SGCD: variants seen among roughly 807,000 people sequenced by gnomAD.
The protein encoded by SGCD is sarcoglycan delta.
A neutral mutation model predicts 36.6 loss-of-function variants in SGCD; 18 were observed. That is an observed-to-expected ratio of 0.49 (90% CI 0.34 to 0.73). The LOEUF (loss-of-function observed/expected upper bound fraction) is 0.73, where lower values mean the gene tolerates loss of function less well. SGCD is among the 30% of genes least tolerant of loss of function. SGCD has a pLI of 0.01. For synonymous variants in SGCD, 133 were observed against 130.6 expected (o/e 1.02, Z -0.12); for missense variants, 387 against 346.7 (o/e 1.12, Z -0.92).
intron 4 of SGCD, among the ~76,000 whole-genome samples, chr5:156,561,578 G>A (rs1239178016): frequency 1.3e-5 from 2 of 152,140 alleles, no homozygotes; most frequent in African/African-American, 4.8e-5. Context: ...GTTCCTGTTA[G>A]GGTGGCGGCC....
Position 156,108,926 on chromosome 5 carries a change from C to T in SGCD, c.-281-8952C>T, listed in dbSNP as rs77690622. Among the ~76,000 whole-genome samples, 10 of 152,212 alleles carry T rather than the reference C, an allele frequency of 6.6e-5. No homozygotes were observed. In the East Asian group the frequency reaches 9.6e-4, roughly 15 times the overall value. ...GTAAGGGAGAGTTTAAAAAATGGAA[C>T]CTTTGTATTATTTATTTGTCTCCAA... On this transcript the variant is annotated intron_variant, in intron 1 of 9. Transcript: ENST00000517913.
chr5:156,027,322 T>C (rs1453364967), intron 1 of SGCD, among the ~76,000 whole-genome samples: 1 of 152,156 alleles, frequency 6.6e-6, no homozygotes, highest in African/African-American at 2.4e-5. Context: ...ACATCCCAGA[T>C]TCAACAACTT....
At chr5:155,952,589 C>T (rs1165014403) in intron 1 of SGCD, among the ~76,000 whole-genome samples, 3 of 152,102 alleles carry the variant, frequency 2.0e-5, no homozygotes, top group African/African-American at 7.2e-5. Context: ...ATGGGGAGGG[C>T]TGCTTGCATT....
chr5:155,804,812 G>C, the SGCD span, among the ~76,000 whole-genome samples: 227 of 152,292 alleles, frequency 1.5e-3, no homozygotes, highest in African/African-American at 5.3e-3. Context: ...AGCACACCTA[G>C]GATCAAGATA....
chr5:156,474,598 G>C (rs1214537152), intron 3 of SGCD, among the ~76,000 whole-genome samples: 2 of 152,232 alleles, frequency 1.3e-5, no homozygotes, highest in African/African-American at 4.8e-5. Flanking sequence ...CACAGAAAGA[G>C]GCAGCCAGCT....
At chr5:156,554,565 A>G (rs1758936090) in intron 4 of SGCD, among the ~76,000 whole-genome samples, 1 of 150,300 alleles carries the variant, frequency 6.7e-6, no homozygotes, top group Non-Finnish European at 1.5e-5. Context: ...ATCTATGTTT[A>G]ACCAAAAAAA....
intron 3 of SGCD, among the ~76,000 whole-genome samples, chr5:156,211,382 C>T (rs571692205): frequency 6.6e-5 from 10 of 152,034 alleles, no homozygotes; most frequent in South Asian, 2.1e-4. Flanking sequence ...CCGAGGGGGG[C>T]GGATCACGTG....
At chr5:156,683,774 T>C (rs1157818047) in intron 7 of SGCD, among the ~76,000 whole-genome samples, 2 of 152,208 alleles carry the variant, frequency 1.3e-5, no homozygotes, top group South Asian at 4.1e-4. Context: ...TGCTCAGTTG[T>C]TCCATCTGAA....
chr5:156,703,385 T>TA (rs1372624774), intron 7 of SGCD, among the ~76,000 whole-genome samples: 2 of 151,726 alleles, frequency 1.3e-5, no homozygotes, highest in East Asian at 1.9e-4. Flanking sequence ...TTTATTTCTT[T>TA]TTTTTTTTTT....
At chr5:156,019,548 G>A (rs1759054872) in intron 1 of SGCD, among the ~76,000 whole-genome samples, 1 of 152,146 alleles carries the variant, frequency 6.6e-6, no homozygotes, top group Non-Finnish European at 1.5e-5. Flanking sequence ...TAATTTTGGG[G>A]TGTGTGGAAC....
chr5:156,381,229 G>A (rs1477389773), intron 3 of SGCD, among the ~76,000 whole-genome samples: 1 of 152,178 alleles, frequency 6.6e-6, no homozygotes, highest in African/African-American at 2.4e-5. Flanking sequence ...AGAAAATGGG[G>A]CTGCTGCAAA....
chr5:156,638,055 C>T (rs1431707899), intron 6 of SGCD, among the ~76,000 whole-genome samples: 1 of 152,026 alleles, frequency 6.6e-6, no homozygotes. Flanking sequence ...GGCATCACCA[C>T]CCACTTGCCT....
At chr5:156,298,378 C>T (rs562842301) in intron 3 of SGCD, among the ~76,000 whole-genome samples, 1 of 152,232 alleles carries the variant, frequency 6.6e-6, no homozygotes, top group East Asian at 1.9e-4. Context: ...TACATTCCCA[C>T]CAACAGTGTA....
intron 1 of SGCD, among the ~76,000 whole-genome samples, chr5:155,937,774 A>C (rs1757238243): frequency 6.6e-6 from 1 of 152,338 alleles, no homozygotes. Context: ...TGTGACGTGG[A>C]CACTGTGCAA....
intron 1 of SGCD, among the ~76,000 whole-genome samples, chr5:155,927,341 C>G (rs1179223235): frequency 6.6e-6 from 1 of 152,152 alleles, no homozygotes; most frequent in Non-Finnish European, 1.5e-5. Context: ...TAGGTACTGT[C>G]AGTGCCTTCC....
rs1469621731 is a variant in SGCD at position 156,049,126 on chromosome 5, G to T, written c.-281-68752G>T. The stretch of plus-strand genomic sequence containing the variant: ...TTTTTGTCAGGTTTGTCAAAGATCA[G>T]ATGGTTGTAGATATGCAGCATTATT... On this transcript the variant is annotated intron_variant, in intron 1 of 9. Transcript: ENST00000517913. 2.7e-5 allele frequency among the ~76,000 whole-genome samples: 4 copies of T among 146,254 alleles called. 1 individual carries two copies. The highest frequency in any genetic ancestry group is 9.8e-5 in the African/African-American group (4 of 40,676).
rs538585906 is a variant in SGCD at position 156,261,634 on chromosome 5, A to AT, written c.-43-67900_-43-67899insT. ...GTGTACTCTTTCTATTTATATATAA[A>AT]AAAGTTAACTGTAAAATAGCCTCAG... On this transcript the variant is annotated intron_variant, in intron 3 of 9. Transcript: ENST00000517913. Among the ~76,000 whole-genome samples, 73 of 152,328 alleles carry AT rather than the reference A, an allele frequency of 4.8e-4. No homozygotes were observed. The East Asian group carries it at 0.011, about 23-fold the overall frequency.
At chr5:155,806,177 C>CGGAT in the SGCD span, among the ~76,000 whole-genome samples, 1 of 151,950 alleles carries the variant, frequency 6.6e-6, no homozygotes, top group Non-Finnish European at 1.5e-5. Context: ...GGTGTGGGGA[C>CGGAT]GGAGTCTCAC....
chr5:156,153,302 CT>C, intron 3 of SGCD, among the ~76,000 whole-genome samples: 1 of 150,328 alleles, frequency 6.7e-6, no homozygotes, highest in East Asian at 1.9e-4. Context: ...TCTTGATGGA[CT>C]GTGTATGGAA....
Sources: allele counts gnomAD v4.1 joint callset (sites outside exome capture counted in the v4.1 genomes callset), GRCh38; gene constraint gnomAD v4.1.1; transcripts MANE v1.5; gene names NCBI Gene and HGNC (gene_info 2026-07-23, HGNC 2026-07-21).